COL4A2: variants seen among roughly 807,000 people sequenced by gnomAD.
The protein encoded by COL4A2 is collagen alpha-2(IV) chain.
Under a neutral mutation model 200.2 loss-of-function variants are expected in COL4A2, and 99 were observed. The ratio of observed to expected loss-of-function variants is 0.49; its 90% CI spans 0.42 to 0.58. The LOEUF is 0.58. COL4A2 is among the 20% of genes least tolerant of loss of function. The probability of loss-of-function intolerance (pLI) is 0.00; values close to 1 mark genes in which losing one functional copy is unlikely to be tolerated. For missense variants in COL4A2, 1,950 were observed against 2,314.1 expected, an observed-to-expected ratio of 0.84 and a Z score of 3.23; for synonymous variants, 897 against 900.6, an observed-to-expected ratio of 1.00 and a Z score of 0.07.
At chr13:110,407,008 A>G (rs1879598335) in intron 4 of COL4A2, among the ~76,000 whole-genome samples, 1 of 152,218 alleles carries the variant, frequency 6.6e-6, no homozygotes, top group South Asian at 2.1e-4. Context: ...GTATCCAAGC[A>G]GCCCACCCCG....
chr13:110,493,997 C>T (rs987319112), intron 39 of COL4A2, among the ~76,000 whole-genome samples: 10 of 152,188 alleles, frequency 6.6e-5, no homozygotes, highest in African/African-American at 2.4e-4. Flanking sequence ...GGAGTTAGGG[C>T]TTCCACTTAG....
In COL4A2 at chr13:110,437,442, G is replaced by T. The variant is rs1051384571; in HGVS notation, c.826-560G>T. Among the ~76,000 whole-genome samples, 7 of 152,184 alleles carry T rather than the reference G, an allele frequency of 4.6e-5. 1 individual carries two copies. The highest frequency in any genetic ancestry group is 3.9e-4 in the Admixed American group (6 of 15,280). ...CAGTTGTGTCCTGCAGGAATCCAAGGTACCCTCAGAAATGACGGGGACAAA... is the reference window on the plus strand; with the variant it reads ...CAGTTGTGTCCTGCAGGAATCCAAGTTACCCTCAGAAATGACGGGGACAAA... On this transcript the variant is annotated intron_variant, in intron 13 of 47. Coordinates refer to ENST00000360467, the MANE Select transcript of COL4A2 (RefSeq NM_001846.4).
chr13:110,316,660 G>A (rs1885136475), intron 3 of COL4A2, among the ~76,000 whole-genome samples: 1 of 152,184 alleles, frequency 6.6e-6, no homozygotes, highest in Non-Finnish European at 1.5e-5. Context: ...AATCCTGTTT[G>A]CTGAGCCACT....
intron 20 of COL4A2, among the ~76,000 whole-genome samples, chr13:110,452,217 T>G (rs563769296): frequency 6.6e-6 from 1 of 152,334 alleles, no homozygotes; most frequent in Admixed American, 6.5e-5. Flanking sequence ...CACTGCACGC[T>G]CCGCCTCCCG....
chr13:110,438,789 G>A lies in COL4A2; in HGVS notation c.912+121G>A, dbSNP rs72657930. 10,335 of 1,095,846 alleles carry A rather than the reference G, an allele frequency of 9.4e-3. 81 individuals carry two copies. Among genetic ancestry groups the A allele is most frequent in the African/African-American group, 0.025 (1,436 of 56,684 alleles). The allele number at this position is 1,095,846 out of a possible 1,614,324, so 67.9% of individuals were successfully genotyped here. On this transcript the variant is annotated intron_variant, in intron 15 of 47. Coordinates refer to ENST00000360467, the MANE Select transcript of COL4A2 (RefSeq NM_001846.4). ...TTAGCAGAAAGTATAGAGATTTCCC[G>A]TTATTACTCCCCACCCCCCCCCACA... is the stretch of plus-strand genomic sequence containing the variant.
intron 3 of COL4A2, among the ~76,000 whole-genome samples, chr13:110,318,231 G>A (rs55797730): frequency 8.1e-4 from 123 of 152,284 alleles, no homozygotes; most frequent in African/African-American, 2.5e-3. Context: ...ATTCACTCAC[G>A]AGTTCTAGAA....
At chr13:110,328,764 C>T (rs536348108) in intron 3 of COL4A2, among the ~76,000 whole-genome samples, 4 of 152,194 alleles carry the variant, frequency 2.6e-5, no homozygotes, top group South Asian at 2.1e-4. Flanking sequence ...CACCCAGCAG[C>T]GTCTCCTAGC....
At chr13:110,425,962 CAA>C (rs1016593706) in intron 6 of COL4A2, among the ~76,000 whole-genome samples, 4 of 152,168 alleles carry the variant, frequency 2.6e-5, no homozygotes, top group Admixed American at 2.6e-4. Flanking sequence ...TTTGCCAAGA[CAA>C]GAGCTGCAAG....
chr13:110,446,729 A>G, intron 17 of COL4A2, 69 bp from the exon 18 acceptor site: 1 of 1,367,224 alleles, frequency 7.3e-7, no homozygotes. Context: ...TCTTCTTTGG[A>G]AATATGTGTA....
chr13:110,389,942 A>C (rs997627447), intron 4 of COL4A2, among the ~76,000 whole-genome samples: 5 of 152,170 alleles, frequency 3.3e-5, no homozygotes, highest in Non-Finnish European at 7.3e-5. Context: ...CAAAAATATC[A>C]GTGTTTCCTA....
At chr13:110,423,933 T>C (rs1880357958) in intron 4 of COL4A2, among the ~76,000 whole-genome samples, 1 of 152,210 alleles carries the variant, frequency 6.6e-6, no homozygotes, top group Non-Finnish European at 1.5e-5. Context: ...TATTCCATTG[T>C]GTGGGTGTCT....
At chr13:110,465,102 C>T (rs531830660) in intron 24 of COL4A2, among the ~76,000 whole-genome samples, 1 of 152,376 alleles carries the variant, frequency 6.6e-6, no homozygotes, top group South Asian at 2.1e-4. Flanking sequence ...TGTGCCTTCG[C>T]TGTTCTGGAG....
intron 39 of COL4A2, among the ~76,000 whole-genome samples, chr13:110,494,140 A>G (rs989449372): frequency 3.9e-5 from 6 of 152,142 alleles, no homozygotes; most frequent in African/African-American, 1.4e-4. Context: ...TGTAGCACAC[A>G]TTTTTCCCTG....
chr13:110,458,310 G>A (rs888183125), intron 21 of COL4A2: 6 of 365,576 alleles, frequency 1.6e-5, no homozygotes, highest in Non-Finnish European at 3.3e-5. Flanking sequence ...GAGGAAGAGA[G>A]GTCAGGCATG....
chr13:110,471,522 A>G (rs1204300291), intron 28 of COL4A2, among the ~76,000 whole-genome samples: 1 of 152,246 alleles, frequency 6.6e-6, no homozygotes, highest in East Asian at 1.9e-4. Context: ...TCCAGATCTA[A>G]GACCCACACA....
rs67275266 is a variant in COL4A2 at position 110,355,712 on chromosome 13, T to TG, written c.100-1756dup. Among the ~76,000 whole-genome samples, 15 of 3,640 alleles carry TG rather than the reference T, an allele frequency of 4.1e-3. 1 individual carries two copies. Among genetic ancestry groups the TG allele is most frequent in the Non-Finnish European group, 4.2e-3 (9 of 2,126 alleles). The allele number at this position is 3,640 out of a possible 152,430, so 2.4% of individuals were successfully genotyped here. On this transcript the variant is annotated intron_variant, in intron 3 of 47. Transcript: ENST00000360467. ...GGGCTGTACAGCTCACCTGTGTGAG[T>TG]GGGGAGGGCTGCACTAGCTCACCTG...
intron 24 of COL4A2, 136 bp downstream of exon 24, chr13:110,462,520 T>G (rs937803017): frequency 1.3e-6 from 1 of 752,926 alleles, no homozygotes; most frequent in Non-Finnish European, 2.1e-6. Context: ...ATTCTGCTCA[T>G]TCTATTTCTA....
At chr13:110,357,661 C>G (rs992271941) in intron 4 of COL4A2, 109 bp downstream of exon 4, 18 of 1,456,124 alleles carry the variant, frequency 1.2e-5, no homozygotes, top group Middle Eastern at 4.4e-4. Context: ...TTCATCATTG[C>G]TTGAACATAC....
chr13:110,308,422 A>G (rs1047642054), intron 3 of COL4A2, among the ~76,000 whole-genome samples: 25 of 152,146 alleles, frequency 1.6e-4, no homozygotes, highest in Admixed American at 3.9e-4. Context: ...GCAAAGCTGC[A>G]GCCGTAGAGG....
Sources: allele counts gnomAD v4.1 joint callset (sites outside exome capture counted in the v4.1 genomes callset), GRCh38; gene constraint gnomAD v4.1.1; transcripts MANE v1.5; gene names NCBI Gene and HGNC (gene_info 2026-07-23, HGNC 2026-07-21).